Variants in CSGALNACT1 observed in about 807,000 individuals in gnomAD.
CSGALNACT1 encodes the protein chondroitin sulfate N-acetylgalactosaminyltransferase 1.
Under a neutral mutation model 51.0 loss-of-function variants are expected in CSGALNACT1, and 52 were observed. That is an observed-to-expected ratio of 1.02 (90% CI 0.82 to 1.29). The LOEUF (loss-of-function observed/expected upper bound fraction) is 1.29, where lower values mean the gene tolerates loss of function less well. Ranked by LOEUF, CSGALNACT1 falls within the 50% of genes most tolerant of loss-of-function variation. The pLI is 0.00. For missense variants in CSGALNACT1, 935 were observed against 679.2 expected (o/e 1.38, Z -4.19); for synonymous variants, 341 against 254.4 (o/e 1.34, Z -3.24).
chr8:19,585,635 A>C (rs772365689), intron 3 of CSGALNACT1, among the ~76,000 whole-genome samples: 1 of 152,112 alleles, frequency 6.6e-6, no homozygotes, highest in African/African-American at 2.4e-5. Flanking sequence ...AAAACCCATT[A>C]ATCTTACTGT....
At chr8:19,743,027 G>A (rs1208815691) in intron 1 of CSGALNACT1, among the ~76,000 whole-genome samples, 1 of 152,100 alleles carries the variant, frequency 6.6e-6, no homozygotes, top group Non-Finnish European at 1.5e-5. Flanking sequence ...TTCATTCAGA[G>A]CCAGATCTCA....
At chr8:19,748,572 T>C (rs901599429) in intron 1 of CSGALNACT1, among the ~76,000 whole-genome samples, 1 of 152,210 alleles carries the variant, frequency 6.6e-6, no homozygotes, top group Non-Finnish European at 1.5e-5. Flanking sequence ...GGATTTACCA[T>C]GTGCTGTAGC....
At chr8:19,576,636 A>G (rs2044286753) in intron 3 of CSGALNACT1, among the ~76,000 whole-genome samples, 1 of 151,170 alleles carries the variant, frequency 6.6e-6, no homozygotes, top group Non-Finnish European at 1.5e-5. Context: ...GGCACTAATG[A>G]TCTCTCATTA....
intron 4 of CSGALNACT1, among the ~76,000 whole-genome samples, chr8:19,478,562 G>A (rs1348666685): frequency 1.3e-5 from 2 of 151,938 alleles, no homozygotes; most frequent in African/African-American, 4.8e-5. Flanking sequence ...GAGGGAGTAT[G>A]ATTTCAATGA....
chr8:19,617,499 C>G (rs942847999), intron 1 of CSGALNACT1, among the ~76,000 whole-genome samples: 3 of 152,144 alleles, frequency 2.0e-5, no homozygotes, highest in African/African-American at 4.8e-5. Flanking sequence ...TCTATGCTCT[C>G]CAAACATATA....
At chr8:19,738,538 T>C (rs1174400722) in intron 1 of CSGALNACT1, among the ~76,000 whole-genome samples, 3 of 152,150 alleles carry the variant, frequency 2.0e-5, no homozygotes, top group South Asian at 4.1e-4. Context: ...ATGAAAAAAG[T>C]TCAGGAGATG....
intron 4 of CSGALNACT1, among the ~76,000 whole-genome samples, chr8:19,478,861 C>G (rs190114180): frequency 1.3e-5 from 2 of 152,250 alleles, no homozygotes; most frequent in East Asian, 3.9e-4. Context: ...CAAGAACTTT[C>G]CAGACCTCTG....
intron 4 of CSGALNACT1, among the ~76,000 whole-genome samples, chr8:19,465,325 G>C (rs1010304643): frequency 3.3e-5 from 5 of 152,174 alleles, no homozygotes; most frequent in Admixed American, 6.5e-5. Flanking sequence ...GTAGAATAGA[G>C]GTTGCCAGGG....
chr8:19,617,252 C>T (rs2053156870), intron 1 of CSGALNACT1, among the ~76,000 whole-genome samples: 1 of 152,148 alleles, frequency 6.6e-6, no homozygotes, highest in Non-Finnish European at 1.5e-5. Flanking sequence ...TGATGGGGAG[C>T]GGCTGTAAAT....
chr8:19,706,443 C>G (rs552570701), intron 1 of CSGALNACT1, among the ~76,000 whole-genome samples: 1 of 152,198 alleles, frequency 6.6e-6, no homozygotes, highest in East Asian at 1.9e-4. Flanking sequence ...CCCATGAGGT[C>G]AAGGAATTGA....
chr8:19,681,299 A>G (rs11992703), intron 1 of CSGALNACT1, among the ~76,000 whole-genome samples: 118,935 of 152,052 alleles, frequency 0.78, 46,882 homozygotes, highest in African/African-American at 0.87. Flanking sequence ...GGAATTGGAT[A>G]TGTGTAAGAG....
chr8:19,435,195 ACATTAAAATAACTTTTTGGC>A, intron 6 of CSGALNACT1, among the ~76,000 whole-genome samples: 1 of 152,162 alleles, frequency 6.6e-6, no homozygotes, highest in Non-Finnish European at 1.5e-5. Flanking sequence ...TCTATCAGTT[ACATTAAAATAACTTTTTGGC>A]CAGGCGCGGT....
chr8:19,686,167 G>A (rs1456328023), upstream of CSGALNACT1, among the ~76,000 whole-genome samples: 2 of 152,118 alleles, frequency 1.3e-5, no homozygotes, highest in Non-Finnish European at 2.9e-5. Context: ...TCTCCAGCCA[G>A]CGGACTGACA....
intron 1 of CSGALNACT1, among the ~76,000 whole-genome samples, chr8:19,630,215 T>C (rs1001230601): frequency 4.2e-5 from 6 of 144,316 alleles, no homozygotes; most frequent in Non-Finnish European, 7.6e-5. Flanking sequence ...TGTGTGTGTG[T>C]GTGTGTGTGT....
At chr8:19,514,768 G>A (rs28446033) in intron 3 of CSGALNACT1, among the ~76,000 whole-genome samples, 1 of 151,444 alleles carries the variant, frequency 6.6e-6, no homozygotes, top group African/African-American at 2.4e-5. Flanking sequence ...GGGAGGTGGA[G>A]GTTGCAGTGA....
At chr8:19,474,967 G>A (rs1475099575) in intron 4 of CSGALNACT1, among the ~76,000 whole-genome samples, 3 of 151,950 alleles carry the variant, frequency 2.0e-5, no homozygotes, top group Admixed American at 1.3e-4. Context: ...ACCTTGCTAT[G>A]GAAAGGGCTC....
intron 1 of CSGALNACT1, among the ~76,000 whole-genome samples, chr8:19,713,324 G>A (rs1249268631): frequency 6.6e-6 from 1 of 152,166 alleles, no homozygotes; most frequent in Admixed American, 6.5e-5. Flanking sequence ...AAGGCTTCAG[G>A]TAGGAGGCAG....
intron 1 of CSGALNACT1, chr8:19,641,821 G>A (rs1016761318): frequency 6.6e-6 from 1 of 152,142 alleles, no homozygotes; most frequent in Non-Finnish European, 1.5e-5. Flanking sequence ...GTTGTTGGCC[G>A]GGGCTTTGCT....
intron 6 of CSGALNACT1, among the ~76,000 whole-genome samples, chr8:19,436,879 C>A (rs1376660750): frequency 6.6e-6 from 1 of 152,206 alleles, no homozygotes; most frequent in East Asian, 1.9e-4. Flanking sequence ...CCACTGCACT[C>A]TAGTCTGGGC....
Sources: allele counts gnomAD v4.1 joint callset (sites outside exome capture counted in the v4.1 genomes callset), GRCh38; gene constraint gnomAD v4.1.1; transcripts MANE v1.5; gene names NCBI Gene and HGNC (gene_info 2026-07-23, HGNC 2026-07-21).